The following NSD2 variants were observed in gnomAD, a reference collection of about 807,000 sequenced individuals.
NSD2 encodes the protein histone-lysine N-methyltransferase NSD2.
In NSD2, 12 loss-of-function variants were observed where a neutral mutation model predicts 139.0. The observed-to-expected ratio is 0.09, with a 90% CI of 0.06 to 0.14. The LOEUF (loss-of-function observed/expected upper bound fraction) is 0.14. NSD2 is among the 10% of genes least tolerant of loss of function. The probability of loss-of-function intolerance (pLI) is 1.00; values close to 1 mark genes in which losing one functional copy is unlikely to be tolerated. For synonymous variants in NSD2, 669 were observed against 648.7 expected, an observed-to-expected ratio of 1.03 and a Z score of -0.48; for missense variants, 1,155 against 1,745.0, an observed-to-expected ratio of 0.66 and a Z score of 6.02.
At chr4:1,940,048 C>A in intron 9 of NSD2, 2 of 1,310,316 alleles carry the variant, frequency 1.5e-6, no homozygotes, top group Non-Finnish European at 2.0e-6. Flanking sequence ...TTTCATAGTT[C>A]TTAAAATCTG....
chr4:1,952,851 T>TA (rs1724422935), intron 11 of NSD2: 1 of 1,276,644 alleles, frequency 7.8e-7, no homozygotes, highest in Admixed American at 3.6e-5. Context: ...GAGTCTCCTA[T>TA]CTCACGTCAG....
chr4:1,912,815 C>G (rs949681462), intron 3 of NSD2, among the ~76,000 whole-genome samples: 3 of 152,086 alleles, frequency 2.0e-5, no homozygotes, highest in Non-Finnish European at 1.5e-5. Context: ...GGTTTGCTAG[C>G]ACTCTTAACC....
chr4:1,979,882 G>C lies in NSD2; in HGVS notation c.*973G>C, dbSNP rs1219082268. 8.6e-6 allele frequency: 2 copies of C among 232,544 alleles called. No individual in the cohort carries two copies. The highest frequency in any genetic ancestry group is 4.4e-5 in the African/African-American group (2 of 45,314). The allele number at this position is 232,544 out of a possible 1,614,324, so 14.4% of individuals were successfully genotyped here. On this transcript the variant is annotated 3_prime_UTR_variant, in exon 22 of 22. Coordinates refer to ENST00000508803, the MANE Select transcript of NSD2 (RefSeq NM_001042424.3). ...TTTGCAGGGCGTGAGACCGCAGTCT[G>C]CTTAGAGCACAGGAAGTGACAACTT... is the stretch of plus-strand genomic sequence containing the variant.
At chr4:1,872,591 TGAGAGAGAGAGA>T (rs1200688066) in intron 1 of NSD2, among the ~76,000 whole-genome samples, 128 of 44,908 alleles carry the variant, frequency 2.9e-3, no homozygotes, top group Admixed American at 4.8e-3. Flanking sequence ...TGTGTGTGTG[TGAGAGAGAGAGA>T]GAGAGAGAGA....
chr4:1,961,003 T>C (rs750438963), intron 17 of NSD2, 32 bp from the exon 18 acceptor site: 7 of 1,592,680 alleles, frequency 4.4e-6, no homozygotes, highest in African/African-American at 1.3e-5. Flanking sequence ...TCAGCACGCT[T>C]TTTGTCATGG....
intron 1 of NSD2, among the ~76,000 whole-genome samples, chr4:1,894,351 T>C (rs1402437205): frequency 3.3e-5 from 5 of 152,244 alleles, no homozygotes; most frequent in African/African-American, 1.2e-4. Context: ...TAGGGTGCTC[T>C]TTTATTCAGA....
At chr4:1,970,081 G>A (rs933313643) in intron 18 of NSD2, among the ~76,000 whole-genome samples, 12 of 152,192 alleles carry the variant, frequency 7.9e-5, no homozygotes, top group Non-Finnish European at 1.5e-4. Context: ...TGCGAGTGAC[G>A]CCTTGGGCAG....
chr4:1,873,395 T>G (rs140246901), intron 1 of NSD2, among the ~76,000 whole-genome samples: 4 of 152,238 alleles, frequency 2.6e-5, no homozygotes, highest in African/African-American at 4.8e-5. Flanking sequence ...TAAACTAATA[T>G]AACTTTTGGA....
intron 21 of NSD2, among the ~76,000 whole-genome samples, chr4:1,978,126 C>CAA (rs112748858): frequency 1.4e-5 from 2 of 146,646 alleles, no homozygotes; most frequent in African/African-American, 5.0e-5. Context: ...GACTCCATCT[C>CAA]AAAAAAAAAA....
chr4:1,958,197 G>GGCATGGGGGGATCT lies in NSD2; in HGVS notation c.2985+171_2985+184dup. Among the ~76,000 whole-genome samples the GGCATGGGGGGATCT allele has an allele frequency of 6.6e-6, 1 of 152,262 alleles. No individual in the cohort carries two copies. The highest frequency in any genetic ancestry group is 6.5e-5 in the Admixed American group (1 of 15,292). On this transcript the variant is annotated intron_variant, in intron 16 of 21. Coordinates refer to ENST00000508803, the MANE Select transcript of NSD2 (RefSeq NM_001042424.3). The surrounding 1 kb of genome is among the most constrained non-coding windows in gnomAD (Gnocchi z 4.6). ...GCCACACAAGAGACCATGAGCAAAT[G>GGCATGGGGGGATCT]GCATGGGGGGATCTGCATGGGGGTT...
intron 9 of NSD2, chr4:1,947,493 CT>C (rs1275649369): frequency 5.7e-6 from 6 of 1,057,910 alleles, no homozygotes; most frequent in Non-Finnish European, 6.9e-6. Flanking sequence ...CAGGAAGTTT[CT>C]AGTTTGTGTA....
chr4:1,976,769 C>G lies in NSD2; in HGVS notation c.3826+90C>G. The G allele has an allele frequency of 1.4e-6, 2 of 1,385,016 alleles. No homozygotes were observed. The highest frequency in any genetic ancestry group is 2.8e-5 in the South Asian group (2 of 72,036). 85.8% of individuals were successfully genotyped at this position (1,385,016 alleles called of 1,614,324 possible). A position where few individuals can be genotyped will look rare whatever the true frequency, so the allele number is the denominator to read the frequency against. ...CTGCCGCTCTTCCTGCTGACCGGGC[C>G]TCATCTGGGTGCAGGCACATCAGGC... On this transcript the variant is annotated intron_variant, in intron 21 of 21. Transcript: ENST00000508803. The surrounding 1 kb of genome is among the most constrained non-coding windows in gnomAD (Gnocchi z 5.3).
At chr4:1,924,262 A>G (rs1162324304) in intron 5 of NSD2, among the ~76,000 whole-genome samples, 1 of 152,082 alleles carries the variant, frequency 6.6e-6, no homozygotes, top group African/African-American at 2.4e-5. Context: ...TGCAGTGGCA[A>G]GCTCTGAATG....
At chr4:1,947,223 G>T (rs547772777) in intron 9 of NSD2, 1 of 1,064,440 alleles carries the variant, frequency 9.4e-7, no homozygotes. Context: ...GACAAAGTTG[G>T]GTTGATAGGA....
chr4:1,896,766 C>T (rs1716386952), intron 1 of NSD2, among the ~76,000 whole-genome samples: 1 of 148,242 alleles, frequency 6.7e-6, no homozygotes, highest in Non-Finnish European at 1.5e-5. Flanking sequence ...TTCCTTCTTT[C>T]TTCTCTTTTT....
intron 9 of NSD2, chr4:1,944,058 G>A (rs1438323328): frequency 1.9e-6 from 2 of 1,066,112 alleles, no homozygotes; most frequent in African/African-American, 1.6e-5. Flanking sequence ...GGGGGAACGT[G>A]GATGGGAATG....
Position 1,918,083 on chromosome 4 carries a change from G to GTAGT in NSD2, c.928-55_928-52dup, listed in dbSNP as rs1327131740. The GTAGT allele has an allele frequency of 2.8e-5, 43 of 1,560,170 alleles. No individual in the cohort carries two copies. The African/African-American group carries it at 4.8e-4, about 17-fold the overall frequency. ...GGCATGAATCATGTGCCTAGGAAAA[G>GTAGT]TAGTTAACTTTTATGTTTGTGTAGT... On this transcript the variant is annotated intron_variant, in intron 4 of 21. Transcript: ENST00000508803.
In NSD2 at chr4:1,978,825, T is replaced by G. The variant is rs1450641876; in HGVS notation, c.4014T>G (p.Thr1338=). The change falls in exon 22 of 22, where the codon ACT becomes ACG. Residue 1338 remains threonine, a synonymous_variant. Coordinates refer to ENST00000508803, the MANE Select transcript of NSD2 (RefSeq NM_001042424.3). ...CGGCATCGGTCAGAAGCACCAAGACTGAGAAGCCCCCCCCAGAGCCAGGGA... is the reference window on the plus strand; with the variant it reads ...CGGCATCGGTCAGAAGCACCAAGACGGAGAAGCCCCCCCCAGAGCCAGGGA... ...LGAASVRSTK[T]EKPPPEPGKP... 6.2e-7 allele frequency: 1 copy of G among 1,606,498 alleles called. No individual in the cohort carries two copies. Among genetic ancestry groups the G allele is most frequent in the African/African-American group, 1.3e-5 (1 of 74,838 alleles).
chr4:1,945,127 A>C, intron 9 of NSD2: 1 of 1,066,016 alleles, frequency 9.4e-7, no homozygotes, highest in African/African-American at 1.6e-5. Flanking sequence ...AGGTCCCCGC[A>C]GCTCTAGGGA....
Sources: gnomAD v4.1 joint callset for allele counts (sites outside exome capture counted in the v4.1 genomes callset) on GRCh38, gnomAD v4.1.1 for gene constraint, Gnocchi (gnomAD v3.1) non-coding constraint, MANE v1.5 for transcripts, NCBI Gene and HGNC (gene_info 2026-07-23, HGNC 2026-07-21) for gene names.